GABRB1: variants seen among roughly 807,000 people sequenced by gnomAD.
GABRB1 encodes the protein gamma-aminobutyric acid type A receptor subunit beta1.
GABRB1 carries 17 observed loss-of-function variants against 51.6 expected under a neutral mutation model. That is an observed-to-expected ratio of 0.33 (90% CI 0.23 to 0.49). GABRB1 has a LOEUF of 0.49. GABRB1 is among the 20% of genes least tolerant of loss of function. The probability of loss-of-function intolerance (pLI) is 0.99; values close to 1 mark genes in which losing one functional copy is unlikely to be tolerated. For missense variants in GABRB1, 410 were observed against 600.6 expected (o/e 0.68, Z 3.32); for synonymous variants, 247 against 218.9 (o/e 1.13, Z -1.14).
chr4:47,168,424 C>T (rs1485629491), intron 4 of GABRB1, among the ~76,000 whole-genome samples: 2 of 152,110 alleles, frequency 1.3e-5, no homozygotes, highest in African/African-American at 2.4e-5. Flanking sequence ...CTTCTCTTCC[C>T]TTTTTAGCCC....
At chr4:47,301,548 C>A (rs573343541) in intron 4 of GABRB1, among the ~76,000 whole-genome samples, 4 of 151,380 alleles carry the variant, frequency 2.6e-5, no homozygotes, top group South Asian at 2.1e-4. Flanking sequence ...GTCAGGGGAT[C>A]GCTTGAGCCC....
intron 4 of GABRB1, among the ~76,000 whole-genome samples, chr4:47,195,390 TAGATGATA>T (rs1411976985): frequency 3.1e-5 from 1 of 32,434 alleles, no homozygotes; most frequent in Non-Finnish European, 8.3e-5. Flanking sequence ...GATAGATAGA[TAGATGATA>T]GATAGATAGA....
intron 3 of GABRB1, among the ~76,000 whole-genome samples, chr4:47,085,625 A>G (rs1191633034): frequency 6.6e-6 from 1 of 152,226 alleles, no homozygotes; most frequent in Non-Finnish European, 1.5e-5. Flanking sequence ...AGGAAAGGAA[A>G]GAACATATTG....
chr4:47,345,003 G>A (rs1266392849), intron 5 of GABRB1, among the ~76,000 whole-genome samples: 3 of 152,136 alleles, frequency 2.0e-5, no homozygotes, highest in South Asian at 2.1e-4. Context: ...GATTACAGCC[G>A]TGAGCCACTA....
At chr4:47,142,774 A>C (rs1716989035) in intron 3 of GABRB1, among the ~76,000 whole-genome samples, 1 of 151,866 alleles carries the variant, frequency 6.6e-6, no homozygotes, top group Non-Finnish European at 1.5e-5. Flanking sequence ...ACAAAGGAAA[A>C]ACAGACAAGA....
At chr4:47,174,736 C>T (rs1420405270) in intron 4 of GABRB1, among the ~76,000 whole-genome samples, 1 of 152,094 alleles carries the variant, frequency 6.6e-6, no homozygotes, top group Non-Finnish European at 1.5e-5. Flanking sequence ...AGTTGCAGAG[C>T]ATCTGTAATC....
intron 4 of GABRB1, among the ~76,000 whole-genome samples, chr4:47,301,986 AT>A (rs1028517927): frequency 6.6e-6 from 1 of 152,034 alleles, no homozygotes. Flanking sequence ...ATCTTTCACA[AT>A]TTTTTTTCCT....
intron 3 of GABRB1, among the ~76,000 whole-genome samples, chr4:47,079,548 CAT>C (rs1727730556): frequency 6.6e-6 from 1 of 151,902 alleles, no homozygotes; most frequent in South Asian, 2.1e-4. Flanking sequence ...CACATGCACA[CAT>C]ATGTTTATTG....
chr4:47,036,537 C>A (rs1239748545), intron 3 of GABRB1, among the ~76,000 whole-genome samples: 1 of 152,142 alleles, frequency 6.6e-6, no homozygotes, highest in Middle Eastern at 3.2e-3. Flanking sequence ...CTTTGAATAT[C>A]AAGGTAGTAC....
chr4:47,234,690 G>A (rs1045862857), intron 4 of GABRB1, among the ~76,000 whole-genome samples: 1 of 152,148 alleles, frequency 6.6e-6, no homozygotes, highest in African/African-American at 2.4e-5. Flanking sequence ...TAGGGCGTTT[G>A]AAAAGGAAGA....
At chr4:47,135,793 T>A (rs941268100) in intron 3 of GABRB1, among the ~76,000 whole-genome samples, 4 of 152,136 alleles carry the variant, frequency 2.6e-5, no homozygotes, top group Non-Finnish European at 4.4e-5. Flanking sequence ...TAGTGGCTCT[T>A]TCCTGACTTA....
chr4:47,313,260 T>A (rs1724771650), intron 4 of GABRB1, among the ~76,000 whole-genome samples: 1 of 152,198 alleles, frequency 6.6e-6, no homozygotes, highest in African/African-American at 2.4e-5. Context: ...GCTTTTGCCT[T>A]TAGCTGGTTT....
At chr4:47,126,167 T>G (rs1716134406) in intron 3 of GABRB1, among the ~76,000 whole-genome samples, 1 of 152,040 alleles carries the variant, frequency 6.6e-6, no homozygotes, top group Non-Finnish European at 1.5e-5. Flanking sequence ...GAAATTATAC[T>G]AAGTGAAATA....
rs542752164 is a variant in GABRB1 at position 47,148,401 on chromosome 4, C to A, written c.241-12848C>A. Among the ~76,000 whole-genome samples the A allele has an allele frequency of 6.6e-5, 10 of 152,140 alleles. No individual in the cohort carries two copies. The East Asian group carries it at 1.5e-3, about 24-fold the overall frequency. ...TTCTCTTAATAAGTTTACGCTCATCCTTTATCCTAGAGTCGTCATGGACTC... is the reference window on the plus strand; with the variant it reads ...TTCTCTTAATAAGTTTACGCTCATCATTTATCCTAGAGTCGTCATGGACTC... On this transcript the variant is annotated intron_variant, in intron 3 of 8. Coordinates refer to ENST00000295454, the MANE Select transcript of GABRB1 (RefSeq NM_000812.4).
intron 1 of GABRB1, among the ~76,000 whole-genome samples, chr4:47,019,928 A>ACG (rs1425900075): frequency 4.7e-5 from 7 of 150,044 alleles, no homozygotes; most frequent in African/African-American, 1.5e-4. Flanking sequence ...GTATACGTAT[A>ACG]TGTATACGTA....
intron 1 of GABRB1, among the ~76,000 whole-genome samples, chr4:47,015,262 G>T (rs910348456): frequency 1.3e-5 from 2 of 152,154 alleles, no homozygotes; most frequent in Non-Finnish European, 2.9e-5. Flanking sequence ...AAAAGGCAGA[G>T]ATTTAAGAGG....
At chr4:47,004,528 T>C (rs1415555169) in intron 1 of GABRB1, among the ~76,000 whole-genome samples, 1 of 151,400 alleles carries the variant, frequency 6.6e-6, no homozygotes, top group Non-Finnish European at 1.5e-5. Flanking sequence ...ATTAATACTT[T>C]AAAAAAAAAG....
chr4:47,294,878 C>T (rs1271808765), intron 4 of GABRB1, among the ~76,000 whole-genome samples: 1 of 152,188 alleles, frequency 6.6e-6, no homozygotes, highest in Non-Finnish European at 1.5e-5. Context: ...AGACTGACAC[C>T]TCACACGGCC....
chr4:47,388,673 G>A (rs1316713752), intron 5 of GABRB1, among the ~76,000 whole-genome samples: 3 of 152,130 alleles, frequency 2.0e-5, no homozygotes, highest in South Asian at 2.1e-4. Context: ...CCAAAAAGTG[G>A]TAAAAGAAAC....
Sources: gnomAD v4.1 joint callset for allele counts (sites outside exome capture counted in the v4.1 genomes callset) on GRCh38, gnomAD v4.1.1 for gene constraint, MANE v1.5 for transcripts, NCBI Gene and HGNC (gene_info 2026-07-23, HGNC 2026-07-21) for gene names.